Variants in CASQ2 observed in about 807,000 individuals in gnomAD.
The protein encoded by CASQ2 is calsequestrin-2.
Under a neutral mutation model 46.5 loss-of-function variants are expected in CASQ2, and 49 were observed. The ratio of observed to expected loss-of-function variants is 1.05; its 90% confidence interval spans 0.84 to 1.34. CASQ2 has a LOEUF of 1.34. CASQ2 is among the 40% of genes most tolerant of loss of function. CASQ2 has a pLI of 0.00. For missense variants in CASQ2, 486 were observed against 481.3 expected (o/e 1.01, Z -0.09); for synonymous variants, 174 against 168.5 (o/e 1.03, Z -0.25).
At chr1:115,755,097 C>G (rs1362811990) in intron 1 of CASQ2, among the ~76,000 whole-genome samples, 1 of 152,212 alleles carries the variant, frequency 6.6e-6, no homozygotes, top group Non-Finnish European at 1.5e-5. Flanking sequence ...CACAAAATCA[C>G]AATCTTTTAT....
Position 115,726,977 on chromosome 1 carries a change from T to C in CASQ2, c.737+15A>G. The C allele has an allele frequency of 1.6e-6, 1 of 635,522 alleles. No individual in the cohort carries two copies. Among genetic ancestry groups the C allele is most frequent in the Non-Finnish European group, 2.9e-6 (1 of 347,728 alleles). The allele number at this position is 635,522 out of a possible 1,614,324, so 39.4% of individuals were successfully genotyped here. A position where few individuals can be genotyped will look rare whatever the true frequency, so the allele number is the denominator to read the frequency against. ...AGACCCCAGGCCCCCAGCCCCCACA[T>C]GCCATCTCAGGCACCTTTGGTGTTC... On this transcript the variant is annotated intron_variant, in intron 6 of 10. Transcript: ENST00000261448.
intron 3 of CASQ2, among the ~76,000 whole-genome samples, chr1:115,738,583 T>G (rs774262165): frequency 1.3e-5 from 2 of 152,234 alleles, no homozygotes; most frequent in Non-Finnish European, 2.9e-5. Flanking sequence ...AAAACATTTA[T>G]TTTTAATTGT....
Position 115,713,936 on chromosome 1 carries a change from T to A in CASQ2, c.838+3904A>T, listed in dbSNP as rs114277141. Among the ~76,000 whole-genome samples, 390 of 152,314 alleles carry A rather than the reference T, an allele frequency of 2.6e-3. 2 individuals are homozygous for A. The highest frequency in any genetic ancestry group is 8.9e-3 in the African/African-American group (368 of 41,566). On this transcript the variant is annotated intron_variant, in intron 8 of 10. Coordinates refer to ENST00000261448, the MANE Select transcript of CASQ2 (RefSeq NM_001232.4). Reference sequence around the variant, plus strand: ...ATTGCCCTGGGTCTCCGCTTTCTTGTCTTTCAAATGTTGGAGGTGGAGGAG... The same window carrying A: ...ATTGCCCTGGGTCTCCGCTTTCTTGACTTTCAAATGTTGGAGGTGGAGGAG...
At chr1:115,713,523 G>A (rs1654610234) in intron 8 of CASQ2, among the ~76,000 whole-genome samples, 2 of 152,182 alleles carry the variant, frequency 1.3e-5, no homozygotes, top group African/African-American at 4.8e-5. Context: ...GTGAACTCAA[G>A]CTCTTGGCCA....
At chr1:115,719,270 A>G (rs1012055461) in intron 7 of CASQ2, among the ~76,000 whole-genome samples, 4 of 95,206 alleles carry the variant, frequency 4.2e-5, no homozygotes, top group African/African-American at 4.8e-5. Context: ...GGCTTATTAC[A>G]CAAATCGACA....
intron 6 of CASQ2, 78 bp from the exon 7 acceptor site, chr1:115,725,631 C>A: frequency 6.6e-7 from 1 of 1,519,270 alleles, no homozygotes; most frequent in Non-Finnish European, 8.9e-7. Flanking sequence ...GCAGCCACAG[C>A]ATTATGAAAT....
intron 5 of CASQ2, among the ~76,000 whole-genome samples, chr1:115,729,862 T>C (rs4269774): frequency 0.3 from 45,745 of 152,104 alleles, 7,350 homozygotes; most frequent in East Asian, 0.4. Context: ...ACCCTTTGGC[T>C]CCAGTGTGAT....
chr1:115,710,836 T>C (rs755113633), intron 8 of CASQ2, among the ~76,000 whole-genome samples: 6 of 152,204 alleles, frequency 3.9e-5, no homozygotes, highest in Non-Finnish European at 8.8e-5. Flanking sequence ...GGGATGCACG[T>C]TGAACCAGGA....
chr1:115,725,857 C>G (rs1415393931), intron 6 of CASQ2, among the ~76,000 whole-genome samples: 1 of 152,154 alleles, frequency 6.6e-6, no homozygotes, highest in African/African-American at 2.4e-5. Context: ...GGGCAAGATG[C>G]CATTTCCTTC....
chr1:115,711,158 G>A (rs983879617), intron 8 of CASQ2, among the ~76,000 whole-genome samples: 14 of 152,182 alleles, frequency 9.2e-5, no homozygotes, highest in African/African-American at 2.4e-4. Flanking sequence ...ACAAAGGCAC[G>A]GAAAGGGACC....
intron 6 of CASQ2, among the ~76,000 whole-genome samples, chr1:115,726,372 T>C (rs1038129226): frequency 2.0e-5 from 3 of 152,256 alleles, no homozygotes; most frequent in Non-Finnish European, 4.4e-5. Flanking sequence ...TGTTTATACA[T>C]GATCCATGGC....
chr1:115,706,149 C>T (rs568593338), intron 8 of CASQ2, among the ~76,000 whole-genome samples: 4 of 149,096 alleles, frequency 2.7e-5, no homozygotes, highest in South Asian at 2.2e-4. Context: ...TGTGTGTGTG[C>T]GTGCGTGTGT....
At chr1:115,721,130 G>A (rs1269448816) in intron 7 of CASQ2, among the ~76,000 whole-genome samples, 1 of 152,106 alleles carries the variant, frequency 6.6e-6, no homozygotes, top group Non-Finnish European at 1.5e-5. Flanking sequence ...GCTTGTCTGG[G>A]GGTCTCTGAC....
rs189794060 is a variant in CASQ2 at position 115,743,431 on chromosome 1, A to G, written c.319+1397T>C. 4.9e-4 allele frequency among the ~76,000 whole-genome samples: 74 copies of G among 152,172 alleles called. No homozygotes were observed. The East Asian group carries it at 0.012, about 25-fold the overall frequency. On this transcript the variant is annotated intron_variant, in intron 2 of 10. Coordinates refer to ENST00000261448, the MANE Select transcript of CASQ2 (RefSeq NM_001232.4). The stretch of plus-strand genomic sequence containing the variant: ...GCTAATTTTTAAATTTTTTGTAGAG[A>G]TGAGGTTTTTCTATGTTGCCCAAGC...
intron 1 of CASQ2, among the ~76,000 whole-genome samples, chr1:115,761,688 G>A (rs919037344): frequency 6.6e-6 from 1 of 151,530 alleles, no homozygotes; most frequent in Admixed American, 6.6e-5. Context: ...CAGTCTGTTA[G>A]GGGCTCTGGC....
intron 6 of CASQ2, among the ~76,000 whole-genome samples, chr1:115,726,442 C>A (rs1647594488): frequency 6.6e-6 from 1 of 152,190 alleles, no homozygotes; most frequent in Admixed American, 6.5e-5. Context: ...GCCCACAGAA[C>A]CTGAAATATT....
intron 7 of CASQ2, among the ~76,000 whole-genome samples, chr1:115,720,123 G>C (rs562567639): frequency 5.3e-5 from 8 of 152,162 alleles, no homozygotes; most frequent in Non-Finnish European, 1.0e-4. Flanking sequence ...AGCCAGTTCT[G>C]TCTGGCCCCA....
intron 1 of CASQ2, among the ~76,000 whole-genome samples, chr1:115,748,447 G>A (rs916900738): frequency 6.6e-6 from 1 of 152,184 alleles, no homozygotes; most frequent in Non-Finnish European, 1.5e-5. Flanking sequence ...GCAGCTCCGA[G>A]GAATACCTCT....
At chr1:115,759,800 A>C (rs540113756) in intron 1 of CASQ2, among the ~76,000 whole-genome samples, 14 of 152,276 alleles carry the variant, frequency 9.2e-5, no homozygotes, top group African/African-American at 2.6e-4. Context: ...ATCTACCTTC[A>C]GGGTTCTTAG....
Sources: gnomAD v4.1 joint callset for allele counts (sites outside exome capture counted in the v4.1 genomes callset) on GRCh38, gnomAD v4.1.1 for gene constraint, MANE v1.5 for transcripts, NCBI Gene and HGNC (gene_info 2026-07-23, HGNC 2026-07-21) for gene names.